The following NT5DC3 variants were observed in gnomAD, a reference collection of about 807,000 sequenced individuals.
NT5DC3 encodes 5'-nucleotidase domain-containing protein 3.
Under a neutral mutation model 67.8 loss-of-function variants are expected in NT5DC3, and 42 were observed. That is an observed-to-expected ratio of 0.62 (90% CI 0.48 to 0.80). The LOEUF is 0.80. Among genes scored for constraint, NT5DC3 ranks in the 30% least tolerant of loss-of-function variants. The probability of loss-of-function intolerance (pLI) is 0.00; values close to 1 mark genes in which losing one functional copy is unlikely to be tolerated. For synonymous variants in NT5DC3, 237 were observed against 255.6 expected (o/e 0.93, Z 0.69); for missense variants, 570 against 696.4 (o/e 0.82, Z 2.04).
intron 12 of NT5DC3, among the ~76,000 whole-genome samples, chr12:103,784,510 G>A (rs1424466754): frequency 2.0e-5 from 3 of 152,370 alleles, no homozygotes; most frequent in East Asian, 1.9e-4. Flanking sequence ...TCCAAAGCCA[G>A]AGGGCAGGCA....
intron 1 of NT5DC3, among the ~76,000 whole-genome samples, chr12:103,834,374 G>A (rs1177479762): frequency 6.6e-6 from 1 of 152,144 alleles, no homozygotes; most frequent in Non-Finnish European, 1.5e-5. Context: ...GGGACATTCT[G>A]CAAAGTATGT....
At chr12:103,785,604 T>C in intron 11 of NT5DC3, 129 bp from the exon 12 acceptor site, 1 of 871,786 alleles carries the variant, frequency 1.1e-6, no homozygotes, top group Non-Finnish European at 1.9e-6. Context: ...TTCACCAAGC[T>C]GAATTCAATG....
intron 11 of NT5DC3, among the ~76,000 whole-genome samples, 183 bp downstream of exon 11, chr12:103,787,258 T>TA (rs60157729): frequency 0.18 from 26,113 of 143,436 alleles, 2,629 homozygotes; most frequent in Middle Eastern, 0.28. Flanking sequence ...CCTGTTCTGT[T>TA]AAAAAAAAAA....
Position 103,775,426 on chromosome 12 carries a change from G to A in NT5DC3, c.*2403C>T, listed in dbSNP as rs756367274. The stretch of plus-strand genomic sequence containing the variant: ...ACAAAACACCCTATAACTGGCACCT[G>A]GTAGGTAATCAATGAATATCTGATT... On this transcript the variant is annotated 3_prime_UTR_variant, in exon 14 of 14. Coordinates refer to ENST00000392876, the MANE Select transcript of NT5DC3 (RefSeq NM_001031701.3). 3 of 152,148 alleles carry A rather than the reference G, an allele frequency of 2.0e-5. No individual in the cohort carries two copies. The highest frequency in any genetic ancestry group is 2.0e-4 in the Admixed American group (3 of 15,282). 9.4% of individuals were successfully genotyped at this position (152,148 alleles called of 1,614,324 possible).
the NT5DC3 span, among the ~76,000 whole-genome samples, chr12:103,764,856 C>T: frequency 6.6e-6 from 1 of 151,996 alleles, no homozygotes; most frequent in African/African-American, 2.4e-5. Context: ...CCAGCACTTT[C>T]GGAGGCCAAG....
At chr12:103,794,166 T>C (rs941185516) in intron 6 of NT5DC3, among the ~76,000 whole-genome samples, 169 bp from the exon 7 acceptor site, 5 of 97,238 alleles carry the variant, frequency 5.1e-5, no homozygotes, top group Admixed American at 1.2e-4. Context: ...TTTTTTTTTT[T>C]TGAGACAGAG....
At chr12:103,807,855 A>G (rs2139396213) in intron 2 of NT5DC3, among the ~76,000 whole-genome samples, 1 of 152,250 alleles carries the variant, frequency 6.6e-6, no homozygotes. Flanking sequence ...CCTGCTGCCA[A>G]TGTAAGATGT....
downstream of NT5DC3, chr12:103,766,142 C>T (rs1374765155): frequency 1.8e-6 from 2 of 1,116,682 alleles, no homozygotes; most frequent in Non-Finnish European, 2.7e-6. Context: ...CAACACAAGG[C>T]AGCAGCACAA....
At chr12:103,758,878 T>C in the NT5DC3 span, among the ~76,000 whole-genome samples, 1 of 152,164 alleles carries the variant, frequency 6.6e-6, no homozygotes, top group Non-Finnish European at 1.5e-5. Flanking sequence ...TACCTCTGCC[T>C]ACCTCAAGAC....
At chr12:103,821,604 G>A (rs1268540696) in intron 1 of NT5DC3, among the ~76,000 whole-genome samples, 1 of 152,302 alleles carries the variant, frequency 6.6e-6, no homozygotes, top group South Asian at 2.1e-4. Flanking sequence ...TCCAAAGGTA[G>A]ATTTAAGAGA....
At chr12:103,792,985 ACTGT>A (rs1886133534) in intron 9 of NT5DC3, among the ~76,000 whole-genome samples, 175 bp downstream of exon 9, 1 of 152,178 alleles carries the variant, frequency 6.6e-6, no homozygotes, top group East Asian at 1.9e-4. Flanking sequence ...ATGCATGCAA[ACTGT>A]CTGTTACGTG....
the NT5DC3 span, chr12:103,758,331 T>C: frequency 3.1e-6 from 5 of 1,607,286 alleles, no homozygotes; most frequent in Non-Finnish European, 4.2e-6. Context: ...ACTAGCATGT[T>C]ATCTATCACC....
downstream of NT5DC3, among the ~76,000 whole-genome samples, chr12:103,768,106 A>AAG (rs1335476577): frequency 2.7e-5 from 4 of 149,926 alleles, no homozygotes; most frequent in East Asian, 8.0e-4. Flanking sequence ...AAAAAAAAAA[A>AAG]AAATTTAACA....
At chr12:103,810,190 G>A (rs779382510) in intron 2 of NT5DC3, among the ~76,000 whole-genome samples, 1 of 152,224 alleles carries the variant, frequency 6.6e-6, no homozygotes, top group East Asian at 1.9e-4. Flanking sequence ...CTTCTCCAAG[G>A]CCTCTTCTAG....
chr12:103,749,841 C>CAAAAAAAAAAAA, the NT5DC3 span, among the ~76,000 whole-genome samples: 102 of 51,162 alleles, frequency 2.0e-3, 8 homozygotes, highest in Non-Finnish European at 3.0e-3. Flanking sequence ...CTCTGTCTCA[C>CAAAAAAAAAAAA]AAAAAAAAAA....
chr12:103,822,436 G>A (rs1437505), intron 1 of NT5DC3, among the ~76,000 whole-genome samples: 22,104 of 152,156 alleles, frequency 0.15, 1,985 homozygotes, highest in East Asian at 0.47. Flanking sequence ...CAAAAAAAGC[G>A]AATTAAAACA....
intron 4 of NT5DC3, among the ~76,000 whole-genome samples, chr12:103,800,207 C>A (rs1886506687): frequency 6.6e-6 from 1 of 152,206 alleles, no homozygotes; most frequent in Non-Finnish European, 1.5e-5. Flanking sequence ...GTCTCCATCA[C>A]CCACATTACT....
chr12:103,762,160 A>G, the NT5DC3 span: 1 of 1,423,802 alleles, frequency 7.0e-7, no homozygotes, highest in African/African-American at 1.4e-5. Context: ...ATACATGTTA[A>G]CATGTCAGTA....
the NT5DC3 span, chr12:103,753,429 A>G: frequency 0.61 from 981,460 of 1,599,130 alleles, 304,201 homozygotes; most frequent in South Asian, 0.82. Context: ...TAAGATGGGG[A>G]AGACTTGAGC....
Sources: gnomAD v4.1 joint callset for allele counts (sites outside exome capture counted in the v4.1 genomes callset) on GRCh38, gnomAD v4.1.1 for gene constraint, MANE v1.5 for transcripts, NCBI Gene and HGNC (gene_info 2026-07-23, HGNC 2026-07-21) for gene names.